Variants in TENM2 observed in about 807,000 individuals in gnomAD.
TENM2 encodes the protein teneurin transmembrane protein 2.
In TENM2, 52 loss-of-function variants were observed where a neutral mutation model predicts 245.2. That is an observed-to-expected ratio of 0.21 (90% CI 0.17 to 0.27). TENM2 has a LOEUF of 0.27. Among genes scored for constraint, TENM2 ranks in the 10% least tolerant of loss-of-function variants. The pLI, the probability that TENM2 is intolerant of heterozygous loss-of-function variation, is 1.00. For synonymous variants in TENM2, 1,363 were observed against 1,438.9 expected (o/e 0.95, Z 1.19); for missense variants, 3,046 against 3,666.8 (o/e 0.83, Z 4.37).
At chr5:167,752,222 G>A (rs941132096) in intron 2 of TENM2, among the ~76,000 whole-genome samples, 18 of 149,890 alleles carry the variant, frequency 1.2e-4, no homozygotes, top group African/African-American at 3.4e-4. Context: ...AGCCTCCTGA[G>A]TAGCTGGGAT....
chr5:167,354,327 G>A (rs1759170498), intron 1 of TENM2, among the ~76,000 whole-genome samples: 1 of 152,186 alleles, frequency 6.6e-6, no homozygotes, highest in Admixed American at 6.5e-5. Context: ...ATGTTTAAAG[G>A]CATAAGCCTA....
intron 2 of TENM2, among the ~76,000 whole-genome samples, chr5:167,853,756 A>G (rs1476097941): frequency 2.0e-5 from 3 of 152,220 alleles, no homozygotes. Context: ...TATTCTGTGC[A>G]GACTGAAGTT....
Position 168,098,189 on chromosome 5 carries a change from G to A in TENM2, c.1813+62G>A, listed in dbSNP as rs141729878. On this transcript the variant is annotated intron_variant, in intron 9 of 28. Transcript: ENST00000518659. ...AGACCCTCCCTAGGCTTCTCTGAGC[G>A]GGTAACAGAAGGGACATCCAAGTAG... 82 of 1,235,208 alleles carry A rather than the reference G, an allele frequency of 6.6e-5. 1 individual carries two copies. The Middle Eastern group carries it at 1.6e-3, about 24-fold the overall frequency. The allele number at this position is 1,235,208 out of a possible 1,614,324, so 76.5% of individuals were successfully genotyped here.
At chr5:167,013,620 T>C in the TENM2 span, among the ~76,000 whole-genome samples, 1 of 152,082 alleles carries the variant, frequency 6.6e-6, no homozygotes, top group Non-Finnish European at 1.5e-5. Flanking sequence ...GGCAGGAGAA[T>C]TGCTTGAACC....
intron 2 of TENM2, among the ~76,000 whole-genome samples, chr5:167,873,166 A>G (rs1773126488): frequency 6.6e-6 from 1 of 152,264 alleles, no homozygotes; most frequent in South Asian, 2.1e-4. Context: ...AGAGGGTAAC[A>G]CTGCTATGAA....
intron 2 of TENM2, among the ~76,000 whole-genome samples, chr5:167,820,174 C>G (rs189741993): frequency 4.5e-4 from 68 of 152,182 alleles, no homozygotes; most frequent in African/African-American, 1.6e-3. Context: ...CTCTTGGCTT[C>G]TAATAGATGA....
chr5:167,796,726 A>G (rs1172328858), intron 2 of TENM2, among the ~76,000 whole-genome samples: 1 of 151,994 alleles, frequency 6.6e-6, no homozygotes, highest in East Asian at 1.9e-4. Context: ...TTCGTAGGAG[A>G]TTGCCTTAAC....
rs578261505 is a variant in TENM2 at position 168,044,009 on chromosome 5, A to G, written c.1187-3418A>G. Among the ~76,000 whole-genome samples the G allele has an allele frequency of 3.0e-3, 460 of 152,334 alleles. 4 individuals carry two copies. Among genetic ancestry groups the G allele is most frequent in the African/African-American group, 0.011 (442 of 41,582 alleles). The stretch of plus-strand genomic sequence containing the variant: ...TCTGATTCTGAAATCCCTGTTCTCA[A>G]ACTTCACAGTCAATAGTTTCCTCAT... On this transcript the variant is annotated intron_variant, in intron 5 of 28. Transcript: ENST00000518659.
At chr5:167,801,109 A>AATAT (rs869282464) in intron 2 of TENM2, among the ~76,000 whole-genome samples, 167 of 66,474 alleles carry the variant, frequency 2.5e-3, no homozygotes, top group Non-Finnish European at 2.9e-3. Flanking sequence ...AAAAAAAAAA[A>AATAT]ATATATATAT....
intron 2 of TENM2, among the ~76,000 whole-genome samples, chr5:167,444,069 T>G (rs748000157): frequency 6.6e-6 from 1 of 152,152 alleles, no homozygotes; most frequent in Non-Finnish European, 1.5e-5. Context: ...TTGTAGTGAC[T>G]ATTATTATGG....
chr5:168,226,884 A>AATG (rs1207865680), intron 24 of TENM2, among the ~76,000 whole-genome samples: 6 of 152,318 alleles, frequency 3.9e-5, no homozygotes, highest in Admixed American at 1.3e-4. Flanking sequence ...ATTAAGATAT[A>AATG]ATGTCGGTGG....
chr5:167,913,637 G>C (rs921438301), intron 3 of TENM2, among the ~76,000 whole-genome samples: 1 of 152,178 alleles, frequency 6.6e-6, no homozygotes, highest in South Asian at 2.1e-4. Flanking sequence ...ACAGCAACTT[G>C]CAGTGTACAT....
chr5:167,239,448 G>T, the TENM2 span, among the ~76,000 whole-genome samples: 1 of 152,080 alleles, frequency 6.6e-6, no homozygotes, highest in Non-Finnish European at 1.5e-5. Flanking sequence ...AGCAGTTCAG[G>T]CACTGTTTCC....
At chr5:168,208,647 A>C (rs1265917951) in intron 19 of TENM2, among the ~76,000 whole-genome samples, 1 of 152,208 alleles carries the variant, frequency 6.6e-6, no homozygotes, top group Non-Finnish European at 1.5e-5. Flanking sequence ...GGCTTTGAAA[A>C]TGGGGGTCAG....
At chr5:168,024,490 A>G (rs1010653735) in intron 5 of TENM2, among the ~76,000 whole-genome samples, 4 of 152,206 alleles carry the variant, frequency 2.6e-5, no homozygotes, top group Non-Finnish European at 5.9e-5. Context: ...AGCAGCAGGT[A>G]ATGTCACAGC....
chr5:167,868,967 C>T (rs1257877695), intron 2 of TENM2, among the ~76,000 whole-genome samples: 1 of 152,110 alleles, frequency 6.6e-6, no homozygotes, highest in African/African-American at 2.4e-5. Context: ...TATAACATCT[C>T]CACTCTTCAC....
chr5:167,814,466 A>G (rs566374072), intron 2 of TENM2, among the ~76,000 whole-genome samples: 15 of 150,814 alleles, frequency 9.9e-5, no homozygotes. Flanking sequence ...AAAAAAAAAA[A>G]AAAGAAAAAG....
chr5:167,087,624 G>T, the TENM2 span, among the ~76,000 whole-genome samples: 1 of 152,166 alleles, frequency 6.6e-6, no homozygotes, highest in East Asian at 1.9e-4. Flanking sequence ...TTTGTTAAAT[G>T]AACGTTCTGT....
intron 2 of TENM2, among the ~76,000 whole-genome samples, chr5:167,744,080 A>AT (rs1761391366): frequency 7.9e-5 from 12 of 152,194 alleles, no homozygotes; most frequent in Admixed American, 7.9e-4. Context: ...GCTAAAACTT[A>AT]TTTTCTCCAG....
Sources: gnomAD v4.1 joint callset for allele counts (sites outside exome capture counted in the v4.1 genomes callset) on GRCh38, gnomAD v4.1.1 for gene constraint, MANE v1.5 for transcripts, NCBI Gene and HGNC (gene_info 2026-07-23, HGNC 2026-07-21) for gene names.